Variants in PHACTR2 observed in about 807,000 individuals in gnomAD.
PHACTR2 encodes phosphatase and actin regulator 2.
A neutral mutation model predicts 76.0 loss-of-function variants in PHACTR2; 30 were observed. That is an observed-to-expected ratio of 0.39 (90% CI 0.30 to 0.54). The LOEUF (loss-of-function observed/expected upper bound fraction) is 0.54. Ranked by LOEUF, PHACTR2 falls within the 20% of genes least tolerant of loss-of-function variation. The probability of loss-of-function intolerance (pLI) is 0.61; values close to 1 mark genes in which losing one functional copy is unlikely to be tolerated. For missense variants in PHACTR2, 696 were observed against 781.1 expected, an observed-to-expected ratio of 0.89 and a Z score of 1.30; for synonymous variants, 292 against 292.5, an observed-to-expected ratio of 1.00 and a Z score of 0.02.
At chr6:143,584,992 A>AAG (rs1224692256) in intron 1 of PHACTR2, among the ~76,000 whole-genome samples, 1 of 151,828 alleles carries the variant, frequency 6.6e-6, no homozygotes, top group Non-Finnish European at 1.5e-5. Flanking sequence ...AAAAAAAAAA[A>AAG]AAAAAGCTAT....
intron 1 of PHACTR2, among the ~76,000 whole-genome samples, chr6:143,559,402 G>C (rs969840305): frequency 2.0e-5 from 3 of 152,188 alleles, no homozygotes; most frequent in Admixed American, 1.3e-4. Flanking sequence ...AGGAAGGAGA[G>C]GAAGAAGCAG....
chr6:143,772,456 A>G lies in PHACTR2; in HGVS notation c.1431A>G (p.Glu477=), dbSNP rs1457979838. 4.3e-6 allele frequency: 7 copies of G among 1,612,226 alleles called. No individual in the cohort carries two copies. Among genetic ancestry groups the G allele is most frequent in the Non-Finnish European group, 5.1e-6 (6 of 1,178,554 alleles). Residue 477 remains glutamate, a splice_region_variant and synonymous_variant, in exon 7 of 13, where the codon GAA becomes GAG. Coordinates refer to ENST00000440869, the MANE Select transcript of PHACTR2 (RefSeq NM_001100164.2). This position sits in a 1 kb window ranked among gnomAD's most constrained non-coding sequence, Gnocchi z 5.4. ...DEDEDEDGSG[E]SALASKIRRR... is the part of the protein sequence containing the mutation. ...ACGAAGATGAGGATGGCAGTGGAGA[A>G]AGTAAGACTGTTTTCAAGAGGCAGG...
At chr6:143,590,873 CATT>C (rs1775682228) in intron 1 of PHACTR2, among the ~76,000 whole-genome samples, 1 of 152,068 alleles carries the variant, frequency 6.6e-6, no homozygotes, top group Non-Finnish European at 1.5e-5. Flanking sequence ...GGCCTCAGCC[CATT>C]CCCTATCCCA....
rs1328973135 is a variant in PHACTR2, at chr6:143,733,721, GC to G, written c.215-15263del. Reference sequence around the variant, plus strand: ...GTAACTGTGACTGCTCTGTATGGCAGCATTGCAAAGGTCAATGTGGGAACAT... The same window carrying G: ...GTAACTGTGACTGCTCTGTATGGCAGATTGCAAAGGTCAATGTGGGAACAT... On this transcript the variant is annotated intron_variant, in intron 2 of 12. Coordinates refer to ENST00000440869, the MANE Select transcript of PHACTR2 (RefSeq NM_001100164.2). This position sits in a 1 kb window ranked among gnomAD's most constrained non-coding sequence, Gnocchi z 4.0. Among the ~76,000 whole-genome samples the G allele has an allele frequency of 2.0e-5, 3 of 152,120 alleles. No individual in the cohort carries two copies. The highest frequency in any genetic ancestry group is 4.4e-5 in the Non-Finnish European group (3 of 68,034).
chr6:143,720,932 C>G (rs528220050), intron 2 of PHACTR2, among the ~76,000 whole-genome samples: 1 of 152,336 alleles, frequency 6.6e-6, no homozygotes, highest in Admixed American at 6.5e-5. Flanking sequence ...ATCTTGATAT[C>G]TACTGCAGCT....
At chr6:143,741,245 C>T (rs368689033) in intron 2 of PHACTR2, among the ~76,000 whole-genome samples, 20 of 151,174 alleles carry the variant, frequency 1.3e-4, no homozygotes, top group African/African-American at 3.7e-4. Flanking sequence ...GTCATGGTGG[C>T]GCACGCCTTT....
At position 143,541,371 on chromosome 6, in the gene PHACTR2, G is replaced by A. The variant is rs865894205; in HGVS notation, c.217+4164G>A. Among the ~76,000 whole-genome samples, 2 of 152,182 alleles carry A rather than the reference G, an allele frequency of 1.3e-5. No homozygotes were observed. Among genetic ancestry groups the A allele is most frequent in the South Asian group, 4.1e-4 (2 of 4,828 alleles). On this transcript the variant is annotated intron_variant, in intron 1 of 11. Coordinates refer to the PHACTR2 transcript ENST00000367584. The surrounding 1 kb of genome is among the most constrained non-coding windows in gnomAD (Gnocchi z 5.3). ...CAAGTACCGACTGTTGGCCTACTGG[G>A]TGCCAGGTGCTGTTCTGGACCTGTG...
In PHACTR2 at chr6:143,688,788, T is replaced by C. The variant is rs1448706252; in HGVS notation, c.46+10579T>C. Among the ~76,000 whole-genome samples the C allele has an allele frequency of 6.6e-6, 1 of 152,180 alleles. No homozygotes were observed. Among genetic ancestry groups the C allele is most frequent in the Non-Finnish European group, 1.5e-5 (1 of 68,038 alleles). On this transcript the variant is annotated intron_variant, in intron 1 of 12. Transcript: ENST00000440869. This position sits in a 1 kb window ranked among gnomAD's most constrained non-coding sequence, Gnocchi z 5.2. ...GACAACTGCAGTAGATTCCAGCTGCTCTCCTGCTTCTGTTCCCACCCTTCT... is the reference window on the plus strand; with the variant it reads ...GACAACTGCAGTAGATTCCAGCTGCCCTCCTGCTTCTGTTCCCACCCTTCT...
chr6:143,712,055 GC>G lies in PHACTR2; in HGVS notation c.90del (p.Thr31GlnfsTer43). 6.3e-7 allele frequency: 1 copy of G among 1,594,166 alleles called. No homozygotes were observed. Among genetic ancestry groups the G allele is most frequent in the Non-Finnish European group, 8.5e-7 (1 of 1,172,678 alleles). ...LDKASIANSD[G>X]PTAGSQTPPF... ...AAAGCTTCTATAGCAAACTCAGATG[GC>G]CCCACAGCAGGTTCCCAAACACCTC... is the stretch of plus-strand genomic sequence containing the variant. On this transcript the variant is annotated frameshift_variant, in exon 2 of 13. Transcript: ENST00000440869. LOFTEE classifies it high-confidence loss of function.
rs566542687 is a variant in PHACTR2 at position 143,794,595 on chromosome 6, A to G, written c.1845+5685A>G. Among the ~76,000 whole-genome samples, 15 of 152,212 alleles carry G rather than the reference A, an allele frequency of 9.9e-5. No homozygotes were observed. The highest frequency in any genetic ancestry group is 3.4e-4 in the African/African-American group (14 of 41,534). On this transcript the variant is annotated intron_variant, in intron 11 of 12. Coordinates refer to ENST00000440869, the MANE Select transcript of PHACTR2 (RefSeq NM_001100164.2). This position sits in a 1 kb window ranked among gnomAD's most constrained non-coding sequence, Gnocchi z 4.1. ...GATCACTTGAGGTCAGGAGTTCAAG[A>G]CCAGCCTGGCCAACATGGTGAAACC...
intron 1 of PHACTR2, among the ~76,000 whole-genome samples, chr6:143,552,371 C>T (rs1392170766): frequency 1.3e-5 from 2 of 152,188 alleles, no homozygotes; most frequent in African/African-American, 4.8e-5. Flanking sequence ...GAATGAAAAC[C>T]CAGAGAGTCA....
chr6:143,590,864 G>T (rs1288988355), intron 1 of PHACTR2, among the ~76,000 whole-genome samples: 4 of 151,990 alleles, frequency 2.6e-5, no homozygotes, highest in Non-Finnish European at 4.4e-5. Flanking sequence ...CTGTTGTGTG[G>T]CCTCAGCCCA....
intron 2 of PHACTR2, among the ~76,000 whole-genome samples, chr6:143,745,732 A>G (rs1329051505): frequency 6.6e-6 from 1 of 152,258 alleles, no homozygotes; most frequent in Non-Finnish European, 1.5e-5. Flanking sequence ...GTTTGTTCTC[A>G]TTGGCCCTGT....
At chr6:143,579,716 G>C (rs1028522194) in intron 1 of PHACTR2, among the ~76,000 whole-genome samples, 2 of 152,026 alleles carry the variant, frequency 1.3e-5, no homozygotes, top group African/African-American at 4.8e-5. Context: ...GAGACGATCA[G>C]CGGGAAGAAT....
chr6:143,651,638 T>C lies in PHACTR2; in HGVS notation c.13+43316T>C, dbSNP rs141031205. On this transcript the variant is annotated intron_variant, in intron 1 of 11. Coordinates refer to the PHACTR2 transcript ENST00000305766. ...TCACTTATAAGTGGGAGCTGAATGA[T>C]GAGAACACATGGACACATGGCAGCG... Among the ~76,000 whole-genome samples the C allele has an allele frequency of 9.1e-3, 1,391 of 152,094 alleles. 26 individuals carry two copies. Among genetic ancestry groups the C allele is most frequent in the African/African-American group, 0.031 (1,295 of 41,476 alleles).
At position 143,549,830 on chromosome 6, in the gene PHACTR2, G is replaced by A. The variant is rs1775063563; in HGVS notation, c.217+12623G>A. ...AGTCATGCTTAGGAGTGGGGGTGGGGTGTCTCGGTATGATTCAGCCGGTCC... is the reference window on the plus strand; with the variant it reads ...AGTCATGCTTAGGAGTGGGGGTGGGATGTCTCGGTATGATTCAGCCGGTCC... On this transcript the variant is annotated intron_variant, in intron 1 of 11. Transcript: ENST00000367584. This position sits in a 1 kb window ranked among gnomAD's most constrained non-coding sequence, Gnocchi z 4.2. 1.3e-5 allele frequency among the ~76,000 whole-genome samples: 2 copies of A among 151,810 alleles called. No individual in the cohort carries two copies. Among genetic ancestry groups the A allele is most frequent in the South Asian group, 4.2e-4 (2 of 4,786 alleles).
rs1775758404 is a variant in PHACTR2 at position 143,596,551 on chromosome 6, C to T, written c.217+59344C>T. 1.3e-5 allele frequency among the ~76,000 whole-genome samples: 2 copies of T among 152,138 alleles called. No homozygotes were observed. Among genetic ancestry groups the T allele is most frequent in the African/African-American group, 4.8e-5 (2 of 41,428 alleles). ...CCAAAACTCTGTGTAAGAATCACAGCCATCAGGCCGGGCACTGTGGCTCAT... is the reference window on the plus strand; with the variant it reads ...CCAAAACTCTGTGTAAGAATCACAGTCATCAGGCCGGGCACTGTGGCTCAT... On this transcript the variant is annotated intron_variant, in intron 1 of 11. Transcript: ENST00000367584. This position sits in a 1 kb window ranked among gnomAD's most constrained non-coding sequence, Gnocchi z 4.6.
At position 143,678,017 on chromosome 6, in the gene PHACTR2, C is replaced by A; in HGVS notation, c.-147C>A. ...GCTGCGGCCGGCCGGGCTGGGAGAC[C>A]CGCGCGGGGTAGAAGGTGAGGGGAC... On this transcript the variant is annotated 5_prime_UTR_variant, in exon 1 of 13. Transcript: ENST00000440869. The surrounding 1 kb of genome is among the most constrained non-coding windows in gnomAD (Gnocchi z 6.2). 6.8e-7 allele frequency: 1 copy of A among 1,479,754 alleles called. No individual in the cohort carries two copies. The highest frequency in any genetic ancestry group is 9.0e-7 in the Non-Finnish European group (1 of 1,111,632). 91.7% of individuals were successfully genotyped at this position (1,479,754 alleles called of 1,614,324 possible).
intron 1 of PHACTR2, among the ~76,000 whole-genome samples, chr6:143,681,880 T>C (rs2128453304): frequency 6.6e-6 from 1 of 152,364 alleles, no homozygotes; most frequent in South Asian, 2.1e-4. Flanking sequence ...CAAAAATTGA[T>C]TGACTGTGTA....
Sources: allele counts gnomAD v4.1 joint callset (sites outside exome capture counted in the v4.1 genomes callset), GRCh38; gene constraint gnomAD v4.1.1; non-coding constraint Gnocchi (gnomAD v3.1); transcripts MANE v1.5; gene names NCBI Gene and HGNC (gene_info 2026-07-23, HGNC 2026-07-21).